DOP1B: variants seen among roughly 807,000 people sequenced by gnomAD.
DOP1B encodes the protein protein DOP1B.
DOP1B carries 174 observed loss-of-function variants against 233.5 expected under a neutral mutation model. The observed-to-expected ratio is 0.75, with a 90% CI of 0.66 to 0.85. The LOEUF is 0.85. DOP1B is among the 40% of genes least tolerant of loss of function. DOP1B has a pLI of 0.00. For synonymous variants in DOP1B, 1,190 were observed against 1,185.6 expected (o/e 1.00, Z -0.08); for missense variants, 2,652 against 2,846.6 (o/e 0.93, Z 1.56).
intron 14 of DOP1B, among the ~76,000 whole-genome samples, chr21:36,231,616 T>C (rs1303934129): frequency 6.6e-6 from 1 of 151,972 alleles, no homozygotes; most frequent in East Asian, 1.9e-4. Flanking sequence ...TGGCATTCAG[T>C]GATAGTAAAT....
rs2066971992 is a variant in DOP1B at position 36,246,851 on chromosome 21, AT to A, written c.4697+175del. Among the ~76,000 whole-genome samples the A allele has an allele frequency of 6.1e-5, 1 of 16,294 alleles. No individual in the cohort carries two copies. Among genetic ancestry groups the A allele is most frequent in the African/African-American group, 1.6e-4 (1 of 6,364 alleles). The allele number at this position is 16,294 out of a possible 152,430, so 10.7% of individuals were successfully genotyped here. On this transcript the variant is annotated intron_variant, in intron 19 of 36. Transcript: ENST00000691173. The surrounding 1 kb of genome is among the most constrained non-coding windows in gnomAD (Gnocchi z 5.1). Reference sequence around the variant, plus strand: ...ACTAAATGTTCTGATCCATTATGTTATGTTATGTTATGTTATGTTATGTTAT... The same window carrying A: ...ACTAAATGTTCTGATCCATTATGTTAGTTATGTTATGTTATGTTATGTTAT...
At position 36,207,497 on chromosome 21, in the gene DOP1B, TTG is replaced by T. The variant is rs1438824208; in HGVS notation, c.492-1216_492-1215del. 4.6e-3 allele frequency among the ~76,000 whole-genome samples: 471 copies of T among 101,980 alleles called. 1 individual carries two copies. The highest frequency in any genetic ancestry group is 0.021 in the African/African-American group (445 of 20,996). The allele number at this position is 101,980 out of a possible 152,430, so 66.9% of individuals were successfully genotyped here. A position where few individuals can be genotyped will look rare whatever the true frequency, so the allele number is the denominator to read the frequency against. On this transcript the variant is annotated intron_variant, in intron 4 of 36. Coordinates refer to ENST00000691173, the MANE Select transcript of DOP1B (RefSeq NM_001320714.2). ...ACCACGCCCAGCCAAACAGTTTTTTTTGTTTTTTTTTTTTTTTTTTTTGAGGG... is the reference window on the plus strand; with the variant it reads ...ACCACGCCCAGCCAAACAGTTTTTTTTTTTTTTTTTTTTTTTTTTTGAGGG...
At chr21:36,254,842 G>A (rs1046805217) in intron 23 of DOP1B, among the ~76,000 whole-genome samples, 4 of 152,204 alleles carry the variant, frequency 2.6e-5, no homozygotes, top group Middle Eastern at 3.4e-3. Flanking sequence ...GTTTGGGGCT[G>A]TGGGGGTGGA....
At chr21:36,238,169 AAAAT>A (rs1199134278) in intron 16 of DOP1B, among the ~76,000 whole-genome samples, 4 of 152,252 alleles carry the variant, frequency 2.6e-5, no homozygotes, top group South Asian at 2.1e-4. Flanking sequence ...TCCGTCTCAA[AAAAT>A]AAATAAATAA....
intron 2 of DOP1B, among the ~76,000 whole-genome samples, chr21:36,196,689 G>A (rs145886504): frequency 6.6e-6 from 1 of 152,248 alleles, no homozygotes; most frequent in African/African-American, 2.4e-5. Flanking sequence ...CAGGAGGATT[G>A]CGTGAGCCCA....
chr21:36,194,347 C>T (rs926344315), intron 2 of DOP1B, among the ~76,000 whole-genome samples: 1 of 152,100 alleles, frequency 6.6e-6, no homozygotes, highest in African/African-American at 2.4e-5. Flanking sequence ...GTCAAGCTTA[C>T]CTCTCTGATG....
chr21:36,177,613 T>C (rs934932285), intron 2 of DOP1B, among the ~76,000 whole-genome samples: 1 of 152,176 alleles, frequency 6.6e-6, no homozygotes, highest in Non-Finnish European at 1.5e-5. Flanking sequence ...TCTGTTCTCA[T>C]AAATGAGTTA....
chr21:36,230,337 C>T, intron 13 of DOP1B, 113 bp from the exon 14 acceptor site: 1 of 1,267,312 alleles, frequency 7.9e-7, no homozygotes, highest in South Asian at 1.5e-5. Flanking sequence ...ATTCTCTAGT[C>T]TGGAGAGTGA....
chr21:36,166,765 T>C (rs1031801342), intron 2 of DOP1B, among the ~76,000 whole-genome samples: 4 of 152,104 alleles, frequency 2.6e-5, no homozygotes, highest in African/African-American at 9.7e-5. Context: ...CCAGGGGAAC[T>C]GGGGTGAGTG....
chr21:36,207,139 C>T (rs1475517488), intron 4 of DOP1B, among the ~76,000 whole-genome samples: 1 of 151,472 alleles, frequency 6.6e-6, no homozygotes, highest in Non-Finnish European at 1.5e-5. Flanking sequence ...ATGGCCCAAG[C>T]ATTAGGTCTG....
At position 36,212,082 on chromosome 21, in the gene DOP1B, T is replaced by C. The variant is rs748327942; in HGVS notation, c.889T>C (p.Tyr297His). 6.8e-6 allele frequency: 11 copies of C among 1,610,572 alleles called. No homozygotes were observed. Among genetic ancestry groups the C allele is most frequent in the Non-Finnish European group, 9.3e-6 (11 of 1,178,932 alleles). ...RRDMSLNRRL[Y>H]AWLLGSDIKG... is the part of the protein sequence containing the mutation. ...GGACATGTCCCTGAACAGAAGACTGTATGCATGGTTACTAGGTACTGAGCA... is the reference window on the plus strand; with the variant it reads ...GGACATGTCCCTGAACAGAAGACTGCATGCATGGTTACTAGGTACTGAGCA... Residue 297 changes from tyrosine (Y) to histidine (H), a missense_variant, in exon 7 of 37, where the codon TAT becomes CAT. Physicochemically the swap from Tyr to His is moderately conservative, Grantham distance 83. Coordinates refer to ENST00000691173, the MANE Select transcript of DOP1B (RefSeq NM_001320714.2).
Position 36,208,851 on chromosome 21 carries a change from G to A in DOP1B, c.628G>A (p.Asp210Asn). Residue 210 changes from aspartate to asparagine, a missense_variant, in exon 5 of 37, where the codon GAT becomes AAT. Physicochemically the swap from Asp to Asn is conservative, Grantham distance 23. Transcript: ENST00000691173. ...CTTCGTGGTGGGCCACATCAACAGG[G>A]ATGCCCCCGGCCGGGAGCAGAAGTA... The part of the protein sequence containing the change: ...SVFVVGHINR[D>N]APGREQKYML... The A allele has an allele frequency of 6.3e-7, 1 of 1,584,138 alleles. No homozygotes were observed. Among genetic ancestry groups the A allele is most frequent in the Admixed American group, 1.8e-5 (1 of 56,928 alleles).
At chr21:36,230,008 CT>C (rs1262446650) in intron 13 of DOP1B, among the ~76,000 whole-genome samples, 3 of 151,572 alleles carry the variant, frequency 2.0e-5, no homozygotes, top group Non-Finnish European at 2.9e-5. Context: ...GCTCAGTTTC[CT>C]CATTCATATT....
chr21:36,171,141 C>T (rs190425353), intron 2 of DOP1B, among the ~76,000 whole-genome samples: 265 of 152,346 alleles, frequency 1.7e-3, no homozygotes, highest in Non-Finnish European at 2.9e-3. Context: ...AGAGAGGGCT[C>T]AGACCCCGAC....
intron 7 of DOP1B, 112 bp downstream of exon 7, chr21:36,212,209 G>C (rs1046083427): frequency 9.5e-6 from 12 of 1,266,144 alleles, no homozygotes; most frequent in Non-Finnish European, 1.3e-5. Context: ...ATGAAGTATG[G>C]AAAGATACCA....
At chr21:36,182,765 G>A (rs2066115627) in intron 2 of DOP1B, among the ~76,000 whole-genome samples, 1 of 152,262 alleles carries the variant, frequency 6.6e-6, no homozygotes, top group Admixed American at 6.5e-5. Flanking sequence ...CAAGGTTGAG[G>A]CCACAGTGAG....
chr21:36,211,472 A>G lies in DOP1B; in HGVS notation c.682-81A>G, dbSNP rs1403778931. ...TGAGTGATATAACGCAGGAGTTTCA[A>G]GATTCCCGGGAAAGGTTACTTTCGT... On this transcript the variant is annotated intron_variant, in intron 5 of 36. Coordinates refer to ENST00000691173, the MANE Select transcript of DOP1B (RefSeq NM_001320714.2). The G allele has an allele frequency of 9.8e-6, 13 of 1,320,554 alleles. No homozygotes were observed. The East Asian group carries it at 2.8e-4, about 28-fold the overall frequency. 81.8% of individuals were successfully genotyped at this position (1,320,554 alleles called of 1,614,324 possible).
Position 36,214,455 on chromosome 21 carries a change from T to C in DOP1B, c.1028T>C (p.Ile343Thr), listed in dbSNP as rs1452866915. The C allele has an allele frequency of 6.2e-7, 1 of 1,612,438 alleles. No homozygotes were observed. Among genetic ancestry groups the C allele is most frequent in the African/African-American group, 1.3e-5 (1 of 74,814 alleles). Residue 343 changes from isoleucine to threonine, a missense_variant, in exon 9 of 37, where the codon ATA becomes ACA. Ile to Thr is a moderately conservative substitution (Grantham distance 89). This residue lies in a region of DOP1B where 2,617 missense variants were observed against 2,794.3 expected (regional missense o/e 0.94). Coordinates refer to ENST00000691173, the MANE Select transcript of DOP1B (RefSeq NM_001320714.2). ...TTTAAATAATAGGGTTTGGCTGAGATATTGCATCAGAAGTTCATAGATGCT... is the reference window on the plus strand; with the variant it reads ...TTTAAATAATAGGGTTTGGCTGAGACATTGCATCAGAAGTTCATAGATGCT... ...KDLLVEGLAE[I>T]LHQKFIDADV...
At chr21:36,227,514 T>C (rs996128323) in intron 12 of DOP1B, among the ~76,000 whole-genome samples, 172 bp from the exon 13 acceptor site, 5 of 151,358 alleles carry the variant, frequency 3.3e-5, no homozygotes, top group Non-Finnish European at 5.9e-5. Flanking sequence ...GACACTGCAC[T>C]CCAGCCTGGG....
Sources: allele counts gnomAD v4.1 joint callset (sites outside exome capture counted in the v4.1 genomes callset), GRCh38; gene constraint gnomAD v4.1.1; regional missense constraint gnomAD v4.1.1; non-coding constraint Gnocchi (gnomAD v3.1); transcripts MANE v1.5; gene names NCBI Gene and HGNC (gene_info 2026-07-23, HGNC 2026-07-21).